KALRN: variants seen among roughly 807,000 people sequenced by gnomAD.
The protein encoded by KALRN is kalirin RhoGEF kinase.
Under a neutral mutation model 353.7 loss-of-function variants are expected in KALRN, and 70 were observed. The ratio of observed to expected loss-of-function variants is 0.20; its 90% CI spans 0.16 to 0.24. The LOEUF (loss-of-function observed/expected upper bound fraction) is 0.24. KALRN is among the 10% of genes least tolerant of loss of function. The pLI is 1.00. For synonymous variants in KALRN, 1,391 were observed against 1,434.8 expected, an observed-to-expected ratio of 0.97 and a Z score of 0.69; for missense variants, 2,791 against 3,756.7, an observed-to-expected ratio of 0.74 and a Z score of 6.72.
At chr3:124,450,089 T>C (rs1308062207) in intron 21 of KALRN, among the ~76,000 whole-genome samples, 2 of 152,144 alleles carry the variant, frequency 1.3e-5, no homozygotes, top group East Asian at 3.8e-4. Flanking sequence ...TTATATGGAG[T>C]TCTACTATGT....
chr3:124,635,886 A>C (rs2081297138), intron 36 of KALRN, among the ~76,000 whole-genome samples: 1 of 152,112 alleles, frequency 6.6e-6, no homozygotes, highest in Admixed American at 6.5e-5. Flanking sequence ...TGTTGGGGAC[A>C]TCCTAACAGG....
intron 1 of KALRN, among the ~76,000 whole-genome samples, chr3:124,128,649 A>G (rs1253605375): frequency 6.6e-6 from 1 of 152,188 alleles, no homozygotes; most frequent in Non-Finnish European, 1.5e-5. Context: ...TTCTGATGGA[A>G]TAAGACTACA....
chr3:124,466,327 CTT>C (rs770876701), intron 25 of KALRN, among the ~76,000 whole-genome samples: 1 of 152,166 alleles, frequency 6.6e-6, no homozygotes, highest in Non-Finnish European at 1.5e-5. Context: ...CTACACAAGA[CTT>C]AGACCTATTT....
chr3:124,589,706 T>A (rs1359826538), intron 34 of KALRN, among the ~76,000 whole-genome samples: 1 of 152,216 alleles, frequency 6.6e-6, no homozygotes, highest in South Asian at 2.1e-4. Flanking sequence ...TGATGGAAAC[T>A]GAATTGATTA....
chr3:124,087,746 G>A (rs1024554886), intron 1 of KALRN, among the ~76,000 whole-genome samples: 8 of 152,066 alleles, frequency 5.3e-5, no homozygotes, highest in African/African-American at 1.9e-4. Flanking sequence ...CTAGCTGGGG[G>A]TCTCAACCAG....
chr3:124,564,037 G>T (rs760895338), intron 34 of KALRN, among the ~76,000 whole-genome samples: 1 of 148,790 alleles, frequency 6.7e-6, no homozygotes, highest in Non-Finnish European at 1.5e-5. Context: ...AAAAAAATTA[G>T]CTGGGCAAAA....
intron 25 of KALRN, among the ~76,000 whole-genome samples, chr3:124,464,171 A>G (rs747168775): frequency 1.3e-5 from 2 of 152,204 alleles, no homozygotes; most frequent in African/African-American, 2.4e-5. Flanking sequence ...GCAAACGGTA[A>G]GTCGTGTTAC....
chr3:124,034,200 G>C (rs2039180184), intron 1 of KALRN, among the ~76,000 whole-genome samples: 1 of 151,958 alleles, frequency 6.6e-6, no homozygotes, highest in African/African-American at 2.4e-5. Flanking sequence ...GTGCCTGTCA[G>C]CGGGGCTCCC....
chr3:124,152,795 T>G, intron 1 of KALRN: 1 of 297,488 alleles, frequency 3.4e-6, no homozygotes, highest in Non-Finnish European at 6.1e-6. Flanking sequence ...TTGTTTGTTT[T>G]TCATTGAGAC....
At chr3:124,495,854 G>T (rs1196268127) in intron 32 of KALRN, among the ~76,000 whole-genome samples, 6 of 146,258 alleles carry the variant, frequency 4.1e-5, no homozygotes, top group African/African-American at 7.5e-5. Context: ...CTGAATTTGG[G>T]ATTATTAAAA....
intron 7 of KALRN, among the ~76,000 whole-genome samples, chr3:124,329,038 C>G (rs545342841): frequency 1.3e-5 from 2 of 152,214 alleles, no homozygotes; most frequent in African/African-American, 4.8e-5. Context: ...TGCATCCAGA[C>G]GAGAGGAATC....
At chr3:124,502,376 A>G (rs950939039) in intron 33 of KALRN, among the ~76,000 whole-genome samples, 12 of 152,162 alleles carry the variant, frequency 7.9e-5, no homozygotes, top group Non-Finnish European at 2.9e-5. Context: ...CAAGGGGGCC[A>G]GCCGTTTGTG....
chr3:124,696,679 C>T (rs1424361325), intron 54 of KALRN, among the ~76,000 whole-genome samples: 1 of 152,132 alleles, frequency 6.6e-6, no homozygotes, highest in East Asian at 1.9e-4. Context: ...CTGTGCCCAT[C>T]CCATCTGAAC....
chr3:124,384,914 C>G lies in KALRN; in HGVS notation c.1840C>G (p.Pro614Ala), dbSNP rs771180721. Residue 614 changes from proline (P) to alanine (A), a missense_variant, in exon 11 of 60, where the codon CCC (proline) becomes GCC (alanine). Physicochemically the swap from Pro to Ala is conservative, Grantham distance 27. Coordinates refer to ENST00000682506, the MANE Select transcript of KALRN (RefSeq NM_001388419.1). ...GTTGGCTCAGACGGGGGAATGTGAC[C>G]CCGAGGAGATCTACAAGGCAGCTCG... ...EQLAQTGECDPEEIYKAARHL... is the reference protein window; with the variant it reads ...EQLAQTGECDAEEIYKAARHL... The G allele has an allele frequency of 1.2e-6, 2 of 1,613,314 alleles. No homozygotes were observed. Among genetic ancestry groups the G allele is most frequent in the Non-Finnish European group, 1.7e-6 (2 of 1,179,716 alleles).
At chr3:124,629,615 T>A (rs904370020) in intron 34 of KALRN, among the ~76,000 whole-genome samples, 1 of 152,170 alleles carries the variant, frequency 6.6e-6, no homozygotes, top group Admixed American at 6.5e-5. Flanking sequence ...TCCTTCACCC[T>A]TCTATTCAGA....
chr3:124,316,541 T>A (rs2078830928), intron 6 of KALRN, among the ~76,000 whole-genome samples: 1 of 152,352 alleles, frequency 6.6e-6, no homozygotes, highest in Middle Eastern at 3.4e-3. Context: ...AAGACATTCC[T>A]GCCTCACGGC....
chr3:124,641,709 C>A (rs2082055668), intron 37 of KALRN, among the ~76,000 whole-genome samples: 1 of 152,220 alleles, frequency 6.6e-6, no homozygotes, highest in Non-Finnish European at 1.5e-5. Context: ...GCCACCTCGA[C>A]TGCCTTGTGA....
intron 34 of KALRN, among the ~76,000 whole-genome samples, chr3:124,607,735 G>T (rs1265243492): frequency 1.3e-5 from 2 of 151,722 alleles, no homozygotes; most frequent in African/African-American, 4.8e-5. Flanking sequence ...TCCTGCCTCA[G>T]CCTCTCAAGT....
chr3:124,232,134 C>T (rs1362219039), intron 2 of KALRN, among the ~76,000 whole-genome samples: 1 of 152,140 alleles, frequency 6.6e-6, no homozygotes, highest in African/African-American at 2.4e-5. Flanking sequence ...GAACATCTCC[C>T]ACCCTCCCTG....
Sources: gnomAD v4.1 joint callset for allele counts (sites outside exome capture counted in the v4.1 genomes callset) on GRCh38, gnomAD v4.1.1 for gene constraint, MANE v1.5 for transcripts, NCBI Gene and HGNC (gene_info 2026-07-23, HGNC 2026-07-21) for gene names.